NPHP1: variants seen among roughly 807,000 people sequenced by gnomAD.
NPHP1 encodes nephrocystin-1.
In NPHP1, 70 loss-of-function variants were observed where a neutral mutation model predicts 90.4. That is an observed-to-expected ratio of 0.77 (90% CI 0.64 to 0.95). NPHP1 has a LOEUF of 0.95. NPHP1 is among the 40% of genes least tolerant of loss of function. NPHP1 has a pLI of 0.00. For synonymous variants in NPHP1, 256 were observed against 271.7 expected (o/e 0.94, Z 0.57); for missense variants, 764 against 795.9 (o/e 0.96, Z 0.48).
intron 16 of NPHP1, among the ~76,000 whole-genome samples, chr2:110,139,555 T>C (rs755759511): frequency 6.6e-6 from 1 of 152,192 alleles, no homozygotes; most frequent in Non-Finnish European, 1.5e-5. Context: ...GGATTCCTGA[T>C]ATCCAAAAGA....
At chr2:110,160,284 T>G in intron 10 of NPHP1, 29 bp from the exon 11 acceptor site, 1 of 1,539,960 alleles carries the variant, frequency 6.5e-7, no homozygotes, top group Non-Finnish European at 9.0e-7. Context: ...ATAAAAAAGT[T>G]TATTTTTATG....
intron 6 of NPHP1, 72 bp downstream of exon 6, chr2:110,168,380 C>T: frequency 1.0e-6 from 1 of 954,340 alleles, no homozygotes; most frequent in Non-Finnish European, 1.7e-6. Context: ...GACAAAAGAA[C>T]ACAGCTAAAT....
rs949078951 is a variant in NPHP1, at chr2:110,131,663, G to A, written c.1642+16C>T. 1.4e-6 allele frequency: 2 copies of A among 1,480,394 alleles called. No homozygotes were observed. 91.7% of individuals were successfully genotyped at this position (1,480,394 alleles called of 1,614,324 possible). A position where few individuals can be genotyped will look rare whatever the true frequency, so the allele number is the denominator to read the frequency against. On this transcript the variant is annotated intron_variant, in intron 17 of 19. Coordinates refer to ENST00000445609, the MANE Select transcript of NPHP1 (RefSeq NM_001128178.3). Reference sequence around the variant, plus strand: ...GAAGCATTACTGCACATAAGGAAGTGGCAAAGCCCACTTACCAGTACTTTG... The same window carrying A: ...GAAGCATTACTGCACATAAGGAAGTAGCAAAGCCCACTTACCAGTACTTTG...
chr2:110,160,053 T>C (rs1196538159), intron 11 of NPHP1, 74 bp downstream of exon 11: 6 of 1,509,400 alleles, frequency 4.0e-6, no homozygotes, highest in Non-Finnish European at 5.5e-6. Context: ...GGGGAGGAGT[T>C]GAATGGAAAA....
Position 110,168,475 on chromosome 2 carries a change from G to C in NPHP1, c.601C>G (p.Leu201Val). The change falls in exon 6 of 20, where the codon CTT (leucine) becomes GTT (valine). Residue 201 changes from leucine to valine, a missense_variant. Physicochemically the swap from Leu to Val is conservative, Grantham distance 32. Coordinates refer to ENST00000445609, the MANE Select transcript of NPHP1 (RefSeq NM_001128178.3). The stretch of plus-strand genomic sequence containing the variant: ...ACCTCTAGGTAGGTTCTGGGAACAA[G>C]ACCTTCATTTCCTTTGGCATCCTTA... The part of the protein sequence containing the change: ...IAKDAKGNEG[L>V]VPRTYLEPYS... 1 of 1,611,652 alleles carries C rather than the reference G, an allele frequency of 6.2e-7. No individual in the cohort carries two copies. Among genetic ancestry groups the C allele is most frequent in the Non-Finnish European group, 8.5e-7 (1 of 1,178,318 alleles).
chr2:110,125,870 AT>A, intron 18 of NPHP1, 189 bp from the exon 19 acceptor site: 1 of 616,292 alleles, frequency 1.6e-6, no homozygotes, highest in Non-Finnish European at 2.9e-6. Flanking sequence ...GACCAGGCAG[AT>A]GTATCTGTGA....
In NPHP1 at chr2:110,204,887, A is replaced by T; in HGVS notation, c.69+13T>A. The T allele has an allele frequency of 6.2e-7, 1 of 1,613,658 alleles. No homozygotes were observed. The highest frequency in any genetic ancestry group is 1.1e-5 in the South Asian group (1 of 91,070). On this transcript the variant is annotated intron_variant, in intron 1 of 19. Coordinates refer to ENST00000445609, the MANE Select transcript of NPHP1 (RefSeq NM_001128178.3). The stretch of plus-strand genomic sequence containing the variant: ...TCGCCCGCCCCAGGGCCCTCTGCAC[A>T]GCCTGACCATACCTGTTGCTTCAGC...
chr2:110,204,720 G>A (rs1367153458), intron 1 of NPHP1, among the ~76,000 whole-genome samples, 180 bp downstream of exon 1: 2 of 152,000 alleles, frequency 1.3e-5, no homozygotes, highest in African/African-American at 4.8e-5. Context: ...GATCAGGAGG[G>A]GTTTGAATCG....
chr2:110,170,798 A>G lies in NPHP1; in HGVS notation c.330-800T>C, dbSNP rs1683070980. Among the ~76,000 whole-genome samples the G allele has an allele frequency of 3.9e-5, 6 of 152,166 alleles. No homozygotes were observed. The South Asian group carries it at 1.2e-3, about 31-fold the overall frequency. On this transcript the variant is annotated intron_variant, in intron 4 of 19. Coordinates refer to ENST00000445609, the MANE Select transcript of NPHP1 (RefSeq NM_001128178.3). ...ATTAGGTCTTGAGAGATGATATGGA[A>G]TTAATCAGGTAAAATGGGAGTAGAA...
intron 11 of NPHP1, 79 bp from the exon 12 acceptor site, chr2:110,150,335 C>T: frequency 1.6e-6 from 2 of 1,275,632 alleles, no homozygotes; most frequent in Non-Finnish European, 2.3e-6. Context: ...AAAGAGTTAA[C>T]AGTGGCTACA....
intron 2 of NPHP1, among the ~76,000 whole-genome samples, chr2:110,180,484 G>C (rs1683816346): frequency 8.4e-6 from 1 of 119,728 alleles, no homozygotes; most frequent in Non-Finnish European, 1.6e-5. Flanking sequence ...TTATAGATGT[G>C]AGTGAAATGA....
chr2:110,150,277 T>C, intron 11 of NPHP1, 21 bp from the exon 12 acceptor site: 1 of 1,609,978 alleles, frequency 6.2e-7, no homozygotes, highest in Non-Finnish European at 8.5e-7. Flanking sequence ...ATTTTCCCTT[T>C]TGAAATCATG....
intron 16 of NPHP1, among the ~76,000 whole-genome samples, chr2:110,142,398 G>A (rs1680712183): frequency 6.6e-6 from 1 of 151,604 alleles, no homozygotes; most frequent in East Asian, 1.9e-4. Context: ...CTGGGGTGCA[G>A]TGGCACCATC....
At chr2:110,185,483 C>T (rs551862916) in intron 2 of NPHP1, among the ~76,000 whole-genome samples, 8 of 152,238 alleles carry the variant, frequency 5.3e-5, no homozygotes, top group South Asian at 2.1e-4. Flanking sequence ...CAGGGAACTC[C>T]GTTTACTACC....
At chr2:110,167,323 G>C (rs1362927490) in intron 6 of NPHP1, among the ~76,000 whole-genome samples, 1 of 152,092 alleles carries the variant, frequency 6.6e-6, no homozygotes, top group African/African-American at 2.4e-5. Flanking sequence ...ACCAACCCAG[G>C]TATTAGAGGT....
intron 2 of NPHP1, among the ~76,000 whole-genome samples, chr2:110,199,606 G>C (rs1273793261): frequency 6.6e-6 from 1 of 151,996 alleles, no homozygotes; most frequent in Admixed American, 6.6e-5. Context: ...CTGAACGACA[G>C]AGTGAGACCC....
Position 110,148,169 on chromosome 2 carries a change from G to C in NPHP1, c.1159-143C>G. The C allele has an allele frequency of 4.3e-6, 3 of 695,094 alleles. No individual in the cohort carries two copies. In the South Asian group the frequency reaches 4.8e-5, roughly 11 times the overall value. The allele number at this position is 695,094 out of a possible 1,614,324, so 43.1% of individuals were successfully genotyped here. The stretch of plus-strand genomic sequence containing the variant: ...AGGTGAGGCCTGGTGGGAGGTGTTT[G>C]GGTCATGAGGGCAGATCCCTCATGG... On this transcript the variant is annotated intron_variant, in intron 12 of 19. Transcript: ENST00000445609.
In NPHP1 at chr2:110,190,218, C is replaced by G. The variant is rs368170559; in HGVS notation, c.144-10534G>C. 7.4e-3 allele frequency among the ~76,000 whole-genome samples: 1,131 copies of G among 152,322 alleles called. 9 individuals carry two copies. The highest frequency in any genetic ancestry group is 0.031 in the South Asian group (151 of 4,828). On this transcript the variant is annotated intron_variant, in intron 2 of 19. Transcript: ENST00000445609. ...TGCAGGTGGAGCTGCCTGCCAGTCC[C>G]ACACCGTGCGCCCGCACTCCTCAGC...
In NPHP1 at chr2:110,123,677, G is replaced by C. The variant is rs1196143686; in HGVS notation, c.*114C>G. The C allele has an allele frequency of 1.1e-5, 11 of 1,015,356 alleles. No individual in the cohort carries two copies. Among genetic ancestry groups the C allele is most frequent in the Admixed American group, 1.9e-5 (1 of 52,298 alleles). 62.9% of individuals were successfully genotyped at this position (1,015,356 alleles called of 1,614,324 possible). ...AAAAATATGGTCTGTAGAAAGAAAAGAGTAAAACCTAAGTTGTAAAGTGAC... is the reference window on the plus strand; with the variant it reads ...AAAAATATGGTCTGTAGAAAGAAAACAGTAAAACCTAAGTTGTAAAGTGAC... On this transcript the variant is annotated 3_prime_UTR_variant, in exon 20 of 20. Transcript: ENST00000445609.
Sources: allele counts gnomAD v4.1 joint callset (sites outside exome capture counted in the v4.1 genomes callset), GRCh38; gene constraint gnomAD v4.1.1; transcripts MANE v1.5; gene names NCBI Gene and HGNC (gene_info 2026-07-23, HGNC 2026-07-21).